Variants in WWC1 observed in about 807,000 individuals in gnomAD.
WWC1 encodes protein KIBRA.
A neutral mutation model predicts 138.4 loss-of-function variants in WWC1; 55 were observed. That is an observed-to-expected ratio of 0.40 (90% CI 0.32 to 0.50). The LOEUF (loss-of-function observed/expected upper bound fraction) is 0.50. Ranked by LOEUF, WWC1 falls within the 20% of genes least tolerant of loss-of-function variation. The probability of loss-of-function intolerance (pLI) is 0.72; values close to 1 mark genes in which losing one functional copy is unlikely to be tolerated. For missense variants in WWC1, 1,226 were observed against 1,420.4 expected (o/e 0.86, Z 2.20); for synonymous variants, 524 against 564.9 (o/e 0.93, Z 1.03).
chr5:168,406,964 TAAAG>T (rs1426036916), intron 6 of WWC1, among the ~76,000 whole-genome samples: 22 of 150,948 alleles, frequency 1.5e-4, no homozygotes, highest in African/African-American at 3.2e-4. Context: ...AATAAATAAA[TAAAG>T]AGAGAGAGAG....
intron 19 of WWC1, among the ~76,000 whole-genome samples, chr5:168,456,659 T>C (rs1756350814): frequency 6.6e-6 from 1 of 151,452 alleles, no homozygotes; most frequent in African/African-American, 2.4e-5. Flanking sequence ...ATTTGAATGA[T>C]TTAGAAAAGC....
intron 21 of WWC1, among the ~76,000 whole-genome samples, chr5:168,467,012 A>G (rs1264079797): frequency 1.3e-5 from 2 of 152,232 alleles, no homozygotes; most frequent in Admixed American, 6.5e-5. Flanking sequence ...CTGTAATCCC[A>G]GCACTTTGGG....
At chr5:168,294,101 C>T (rs1349401455) in intron 1 of WWC1, among the ~76,000 whole-genome samples, 1 of 152,110 alleles carries the variant, frequency 6.6e-6, no homozygotes, top group African/African-American at 2.4e-5. Flanking sequence ...AAGGACCGCC[C>T]CTGCCAACAC....
intron 1 of WWC1, among the ~76,000 whole-genome samples, chr5:168,342,532 G>T (rs1025991113): frequency 6.6e-6 from 1 of 152,172 alleles, no homozygotes; most frequent in African/African-American, 2.4e-5. Flanking sequence ...CATGCTGACC[G>T]GATTTCTGTG....
intron 2 of WWC1, among the ~76,000 whole-genome samples, chr5:168,372,876 G>C (rs1274995119): frequency 1.3e-5 from 2 of 152,206 alleles, no homozygotes; most frequent in South Asian, 4.1e-4. Context: ...CCTTTGCCTG[G>C]TAAGGCACAT....
At chr5:168,434,979 C>G (rs1183193204) in intron 15 of WWC1, among the ~76,000 whole-genome samples, 2 of 152,192 alleles carry the variant, frequency 1.3e-5, no homozygotes, top group Non-Finnish European at 2.9e-5. Flanking sequence ...TCTCCACCCC[C>G]TCCTCTCCAA....
chr5:168,304,754 G>A (rs910410496), intron 1 of WWC1, among the ~76,000 whole-genome samples: 10 of 152,240 alleles, frequency 6.6e-5, no homozygotes, highest in South Asian at 2.1e-4. Flanking sequence ...AATGGCAGAC[G>A]CTGGCCAGGA....
Position 168,406,330 on chromosome 5 carries a change from A to G in WWC1, c.720+3A>G, listed in dbSNP as rs1779788392. On this transcript the variant is annotated splice_donor_region_variant and intron_variant, in intron 6 of 22. Transcript: ENST00000265293. ...AGGAAAAGCAAGATCTCATTAAGGT[A>G]TGCAAGTTCCTGTTGATGTGGGTGC... is the stretch of plus-strand genomic sequence containing the variant. 1 of 1,613,390 alleles carries G rather than the reference A, an allele frequency of 6.2e-7. No homozygotes were observed. Among genetic ancestry groups the G allele is most frequent in the Admixed American group, 1.7e-5 (1 of 59,972 alleles).
chr5:168,404,578 T>A (rs1389731247), intron 5 of WWC1, among the ~76,000 whole-genome samples: 1 of 152,242 alleles, frequency 6.6e-6, no homozygotes, highest in East Asian at 1.9e-4. Context: ...AACTTGCTTC[T>A]GCTCAGGATT....
At position 168,356,273 on chromosome 5, in the gene WWC1, A is replaced by G. The variant is rs1340691114; in HGVS notation, c.120-15151A>G. The stretch of plus-strand genomic sequence containing the variant: ...AGTAGCAGGAAGCAAAGGAATGCAC[A>G]CTTCTTGAGTCCTGTTCAGTTCCAG... On this transcript the variant is annotated intron_variant, in intron 1 of 22. Transcript: ENST00000265293. Among the ~76,000 whole-genome samples, 5 of 152,268 alleles carry G rather than the reference A, an allele frequency of 3.3e-5. No individual in the cohort carries two copies. In the East Asian group the frequency reaches 9.6e-4, roughly 29 times the overall value.
rs550038282 is a variant in WWC1, at chr5:168,298,924, A to T, written c.119+6653A>T. ...CATGGTGAAACCACGTCTCTACTAA[A>T]AATGCAAAATATTAGCCAGGTGTGG... On this transcript the variant is annotated intron_variant, in intron 1 of 22. Transcript: ENST00000265293. Among the ~76,000 whole-genome samples the T allele has an allele frequency of 5.9e-5, 9 of 152,276 alleles. No homozygotes were observed. The South Asian group carries it at 1.9e-3, about 32-fold the overall frequency.
rs375553988 is a variant in WWC1 at position 168,453,670 on chromosome 5, C to T, written c.2526-298C>T. ...AAGCAATTCTCCTGCCTCAGCCTCC[C>T]GAGTAGCTGGGACTACAGGTGTGCA... On this transcript the variant is annotated intron_variant, in intron 17 of 22. Coordinates refer to ENST00000265293, the MANE Select transcript of WWC1 (RefSeq NM_015238.3). Among the ~76,000 whole-genome samples, 7 of 152,074 alleles carry T rather than the reference C, an allele frequency of 4.6e-5. No individual in the cohort carries two copies. In the East Asian group the frequency reaches 7.7e-4, roughly 17 times the overall value.
intron 1 of WWC1, among the ~76,000 whole-genome samples, chr5:168,328,094 C>T (rs948843020): frequency 2.0e-5 from 3 of 152,180 alleles, no homozygotes; most frequent in African/African-American, 7.2e-5. Context: ...GAGCCTTTCA[C>T]AATTTAGGAG....
intron 1 of WWC1, among the ~76,000 whole-genome samples, chr5:168,350,206 C>T (rs1446095105): frequency 6.6e-6 from 1 of 152,158 alleles, no homozygotes; most frequent in Non-Finnish European, 1.5e-5. Flanking sequence ...TCTCAGTTTG[C>T]ACATGATGAT....
At chr5:168,319,512 TTATC>T (rs1161209074) in intron 1 of WWC1, among the ~76,000 whole-genome samples, 9 of 152,178 alleles carry the variant, frequency 5.9e-5, no homozygotes, top group African/African-American at 2.2e-4. Flanking sequence ...ACATGGTAAT[TTATC>T]TATTTTTTTG....
At chr5:168,450,866 T>G (rs1425572709) in intron 17 of WWC1, among the ~76,000 whole-genome samples, 1 of 152,150 alleles carries the variant, frequency 6.6e-6, no homozygotes. Context: ...CTTATGATCT[T>G]CGGAAGACAC....
chr5:168,460,824 T>G, intron 20 of WWC1, 82 bp downstream of exon 20: 4 of 1,392,688 alleles, frequency 2.9e-6, no homozygotes, highest in Non-Finnish European at 3.0e-6. Context: ...ACACATCTCC[T>G]AATGTCTGGC....
intron 2 of WWC1, among the ~76,000 whole-genome samples, chr5:168,373,255 G>A (rs1776892157): frequency 6.6e-6 from 1 of 152,112 alleles, no homozygotes; most frequent in South Asian, 2.1e-4. Context: ...GGGATTTCAA[G>A]GTGCTTCTGG....
intron 1 of WWC1, among the ~76,000 whole-genome samples, chr5:168,317,758 G>A (rs561449977): frequency 9.9e-5 from 15 of 152,176 alleles, no homozygotes; most frequent in Admixed American, 7.9e-4. Flanking sequence ...CAAGTGGACT[G>A]GGACAGTTTA....
Sources: allele counts gnomAD v4.1 joint callset (sites outside exome capture counted in the v4.1 genomes callset), GRCh38; gene constraint gnomAD v4.1.1; transcripts MANE v1.5; gene names NCBI Gene and HGNC (gene_info 2026-07-23, HGNC 2026-07-21).